EPHA6: variants seen among roughly 807,000 people sequenced by gnomAD.
EPHA6 encodes the protein ephrin type-A receptor 6.
A neutral mutation model predicts 112.0 loss-of-function variants in EPHA6; 50 were observed. The ratio of observed to expected loss-of-function variants is 0.45; its 90% CI spans 0.36 to 0.56. The LOEUF (loss-of-function observed/expected upper bound fraction) is 0.56, where lower values mean the gene tolerates loss of function less well. Among genes scored for constraint, EPHA6 ranks in the 20% least tolerant of loss-of-function variants. The pLI, the probability that EPHA6 is intolerant of heterozygous loss-of-function variation, is 0.00. For synonymous variants in EPHA6, 529 were observed against 490.7 expected, an observed-to-expected ratio of 1.08 and a Z score of -1.03; for missense variants, 1,280 against 1,417.4, an observed-to-expected ratio of 0.90 and a Z score of 1.56.
intron 10 of EPHA6, among the ~76,000 whole-genome samples, chr3:97,488,983 G>GACAGACTCAGATATGAATC (rs2091766943): frequency 6.6e-6 from 1 of 152,198 alleles, no homozygotes; most frequent in Non-Finnish European, 1.5e-5. Flanking sequence ...AATGAAGCAA[G>GACAGACTCAGATATGAATC]ACAGACTCAG....
intron 3 of EPHA6, among the ~76,000 whole-genome samples, chr3:97,179,487 G>A (rs2076924697): frequency 6.6e-6 from 1 of 151,966 alleles, no homozygotes; most frequent in Non-Finnish European, 1.5e-5. Context: ...CACTGTTTGG[G>A]CTTATTTGTA....
chr3:97,355,838 A>T (rs2084042884), intron 5 of EPHA6, among the ~76,000 whole-genome samples: 1 of 152,234 alleles, frequency 6.6e-6, no homozygotes, highest in South Asian at 2.1e-4. Flanking sequence ...AGGGATAAAG[A>T]TATTCCATGC....
At chr3:97,265,463 G>C (rs112938772) in intron 5 of EPHA6, among the ~76,000 whole-genome samples, 2,009 of 152,312 alleles carry the variant, frequency 0.013, 44 homozygotes, top group African/African-American at 0.046. Context: ...ACTGCCCCAA[G>C]CAGGCACATA....
At chr3:97,402,143 A>G (rs1183047121) in intron 5 of EPHA6, among the ~76,000 whole-genome samples, 1 of 152,014 alleles carries the variant, frequency 6.6e-6, no homozygotes, top group Non-Finnish European at 1.5e-5. Flanking sequence ...GTTGGATGAA[A>G]TGTTTTGTAA....
At position 97,584,654 on chromosome 3, in the gene EPHA6, C is replaced by T. The variant is rs188484927; in HGVS notation, c.2387-7958C>T. ...GAAGAGAATAGCAAGTAAGTTCTCTCCAGCTATGTCAAGCACGTTTTGACA... is the reference window on the plus strand; with the variant it reads ...GAAGAGAATAGCAAGTAAGTTCTCTTCAGCTATGTCAAGCACGTTTTGACA... On this transcript the variant is annotated intron_variant, in intron 11 of 17. Transcript: ENST00000389672. 5.6e-4 allele frequency among the ~76,000 whole-genome samples: 85 copies of T among 152,230 alleles called. No individual in the cohort carries two copies. In the East Asian group the frequency reaches 0.013, roughly 24 times the overall value.
chr3:97,586,724 G>GGACAGACA (rs1433560350), intron 11 of EPHA6, among the ~76,000 whole-genome samples: 5 of 117,204 alleles, frequency 4.3e-5, no homozygotes, highest in South Asian at 4.6e-4. Context: ...ATGGATGGAT[G>GGACAGACA]GATAGACAGA....
chr3:97,738,094 A>G (rs2035351938), intron 16 of EPHA6, among the ~76,000 whole-genome samples: 1 of 152,112 alleles, frequency 6.6e-6, no homozygotes. Flanking sequence ...ACAGTTGCAT[A>G]AGACAGATTA....
Position 97,017,752 on chromosome 3 carries a change from T to A in EPHA6, c.1114+29759T>A, listed in dbSNP as rs181757912. Among the ~76,000 whole-genome samples the A allele has an allele frequency of 2.3e-4, 35 of 152,322 alleles. No homozygotes were observed. In the East Asian group the frequency reaches 6.0e-3, roughly 26 times the overall value. ...GATCTTTGGGGGTTCAATTGTTAAATGCCTTTAGGTGGTTGTCTTTGGGTT... is the reference window on the plus strand; with the variant it reads ...GATCTTTGGGGGTTCAATTGTTAAAAGCCTTTAGGTGGTTGTCTTTGGGTT... On this transcript the variant is annotated intron_variant, in intron 3 of 17. Transcript: ENST00000389672.
intron 2 of EPHA6, among the ~76,000 whole-genome samples, chr3:96,883,124 C>G (rs561644265): frequency 1.3e-5 from 2 of 152,266 alleles, no homozygotes; most frequent in South Asian, 4.1e-4. Flanking sequence ...ACCATACTTG[C>G]AGGAGTAAGG....
chr3:97,699,609 G>C lies in EPHA6; in HGVS notation c.2785-20652G>C, dbSNP rs188013775. On this transcript the variant is annotated intron_variant, in intron 14 of 17. Transcript: ENST00000389672. Reference sequence around the variant, plus strand: ...CTGTACTTTACTGCACCGTGTGGTGGGTAGAGAAACATAGGACACAATAAC... The same window carrying C: ...CTGTACTTTACTGCACCGTGTGGTGCGTAGAGAAACATAGGACACAATAAC... Among the ~76,000 whole-genome samples the C allele has an allele frequency of 1.4e-4, 22 of 152,242 alleles. No individual in the cohort carries two copies. In the East Asian group the frequency reaches 3.7e-3, roughly 25 times the overall value.
chr3:96,874,965 A>G (rs994088458), intron 2 of EPHA6, among the ~76,000 whole-genome samples: 4 of 152,136 alleles, frequency 2.6e-5, no homozygotes, highest in Admixed American at 2.6e-4. Context: ...GGAGGAGAAC[A>G]TAGAAGATGC....
intron 4 of EPHA6, among the ~76,000 whole-genome samples, chr3:97,236,675 CTT>C (rs1369578129): frequency 3.9e-5 from 6 of 152,114 alleles, no homozygotes; most frequent in African/African-American, 1.4e-4. Context: ...AATATCAAGT[CTT>C]TGTGTTTGAT....
At chr3:97,142,821 G>A (rs1310372529) in intron 3 of EPHA6, among the ~76,000 whole-genome samples, 1 of 151,796 alleles carries the variant, frequency 6.6e-6, no homozygotes, top group East Asian at 1.9e-4. Flanking sequence ...AGACATTGAA[G>A]GAATAGCCTT....
chr3:97,349,087 A>G (rs1415015489), intron 5 of EPHA6, among the ~76,000 whole-genome samples: 1 of 152,120 alleles, frequency 6.6e-6, no homozygotes, highest in Non-Finnish European at 1.5e-5. Flanking sequence ...ATATTAAAAC[A>G]TATTTCCTAT....
chr3:97,116,949 C>G (rs559791118), intron 3 of EPHA6, among the ~76,000 whole-genome samples: 2 of 151,576 alleles, frequency 1.3e-5, no homozygotes, highest in Non-Finnish European at 3.0e-5. Context: ...ACATGTCTAC[C>G]AAAGTGTTCA....
intron 5 of EPHA6, among the ~76,000 whole-genome samples, chr3:97,383,809 C>A (rs1391954924): frequency 2.0e-5 from 3 of 152,016 alleles, no homozygotes; most frequent in Non-Finnish European, 2.9e-5. Context: ...ACTTGTTTGG[C>A]TTTTTGCAAT....
At chr3:96,867,524 A>T (rs1652309092) in intron 2 of EPHA6, among the ~76,000 whole-genome samples, 1 of 151,742 alleles carries the variant, frequency 6.6e-6, no homozygotes, top group Admixed American at 6.6e-5. Flanking sequence ...ATATATGTCT[A>T]CTTCTCATTT....
At chr3:97,435,432 G>GA (rs903640711) in intron 6 of EPHA6, among the ~76,000 whole-genome samples, 1 of 151,986 alleles carries the variant, frequency 6.6e-6, no homozygotes, top group African/African-American at 2.4e-5. Context: ...AAAGGTGAGA[G>GA]AAAAAATAAA....
intron 11 of EPHA6, among the ~76,000 whole-genome samples, chr3:97,567,588 A>G (rs1290501223): frequency 6.6e-6 from 1 of 152,188 alleles, no homozygotes; most frequent in African/African-American, 2.4e-5. Flanking sequence ...TGGGACATTA[A>G]TCTAATATAA....
Sources: allele counts gnomAD v4.1 joint callset (sites outside exome capture counted in the v4.1 genomes callset), GRCh38; gene constraint gnomAD v4.1.1; transcripts MANE v1.5; gene names NCBI Gene and HGNC (gene_info 2026-07-23, HGNC 2026-07-21).